RAB23: variants seen among roughly 807,000 people sequenced by gnomAD.
RAB23 encodes RAB23, member RAS oncogene family.
In RAB23, 15 loss-of-function variants were observed where a neutral mutation model predicts 30.0. That is an observed-to-expected ratio of 0.50 (90% CI 0.33 to 0.77). RAB23 has a LOEUF of 0.77. Ranked by LOEUF, RAB23 falls within the 30% of genes least tolerant of loss-of-function variation. RAB23 has a pLI of 0.02. For synonymous variants in RAB23, 93 were observed against 94.0 expected, an observed-to-expected ratio of 0.99 and a Z score of 0.06; for missense variants, 243 against 275.4, an observed-to-expected ratio of 0.88 and a Z score of 0.83.
chr6:57,210,211 T>C lies in RAB23; in HGVS notation c.155+15A>G, dbSNP rs752009277. 1 of 1,611,592 alleles carries C rather than the reference T, an allele frequency of 6.2e-7. No homozygotes were observed. Among genetic ancestry groups the C allele is most frequent in the African/African-American group, 1.3e-5 (1 of 74,982 alleles). On this transcript the variant is annotated intron_variant, in intron 2 of 6. Coordinates refer to ENST00000468148, the MANE Select transcript of RAB23 (RefSeq NM_016277.5). ...ACAAATCAAAGCCAAAGGAATAAAA[T>C]GGCCAAGTACTTACTGAATTTGTCG...
At chr6:57,220,709 G>A (rs1240515099) in intron 1 of RAB23, among the ~76,000 whole-genome samples, 1 of 152,140 alleles carries the variant, frequency 6.6e-6, no homozygotes, top group Non-Finnish European at 1.5e-5. Flanking sequence ...CAGGGGTAAG[G>A]AGTATGATAT....
At chr6:57,205,345 C>T (rs1051352153) in intron 3 of RAB23, among the ~76,000 whole-genome samples, 3 of 151,840 alleles carry the variant, frequency 2.0e-5, no homozygotes, top group African/African-American at 4.8e-5. Flanking sequence ...GTGTGATGAA[C>T]GAGCAGAATT....
chr6:57,189,515 T>C lies in RAB23; in HGVS notation c.*946A>G, dbSNP rs1450868920. The C allele has an allele frequency of 6.6e-6, 1 of 152,210 alleles. No homozygotes were observed. The highest frequency in any genetic ancestry group is 1.9e-4 in the East Asian group (1 of 5,200). 9.4% of individuals were successfully genotyped at this position (152,210 alleles called of 1,614,324 possible). A position where few individuals can be genotyped will look rare whatever the true frequency, so the allele number is the denominator to read the frequency against. On this transcript the variant is annotated 3_prime_UTR_variant, in exon 7 of 7. Transcript: ENST00000468148. ...ATGACTGCAGATGTGCTGTGTACCT[T>C]CTTAAGGGGCTTTGGCTGACCTTAT...
At chr6:57,216,046 A>C (rs1466584988) in intron 1 of RAB23, among the ~76,000 whole-genome samples, 3 of 152,228 alleles carry the variant, frequency 2.0e-5, no homozygotes, top group Non-Finnish European at 2.9e-5. Flanking sequence ...TTACAATGCC[A>C]TATGTTTACT....
chr6:57,204,860 C>T (rs1436741421), intron 3 of RAB23, among the ~76,000 whole-genome samples: 1 of 151,944 alleles, frequency 6.6e-6, no homozygotes, highest in Non-Finnish European at 1.5e-5. Context: ...GTCATGGGGG[C>T]AACTATAAAC....
At chr6:57,194,222 A>G (rs1764939894) in intron 5 of RAB23, among the ~76,000 whole-genome samples, 2 of 152,086 alleles carry the variant, frequency 1.3e-5, no homozygotes, top group African/African-American at 4.8e-5. Flanking sequence ...AAGCAACACT[A>G]AACAGACTCA....
Position 57,193,942 on chromosome 6 carries a change from A to G in RAB23, c.482-8T>C. On this transcript the variant is annotated splice_region_variant and splice_polypyrimidine_tract_variant and intron_variant, in intron 5 of 6. Coordinates refer to ENST00000468148, the MANE Select transcript of RAB23 (RefSeq NM_016277.5). Reference sequence around the variant, plus strand: ...CAGCCAAATACTTAAAAACTAGAATAAAAAGAAAACACCCAGAACCAGGTC... The same window carrying G: ...CAGCCAAATACTTAAAAACTAGAATGAAAAGAAAACACCCAGAACCAGGTC... 1 of 1,610,208 alleles carries G rather than the reference A, an allele frequency of 6.2e-7. No individual in the cohort carries two copies. The highest frequency in any genetic ancestry group is 8.5e-7 in the Non-Finnish European group (1 of 1,177,648).
chr6:57,204,881 C>A (rs1357124355), intron 3 of RAB23, among the ~76,000 whole-genome samples: 5 of 151,928 alleles, frequency 3.3e-5, no homozygotes, highest in Non-Finnish European at 5.9e-5. Context: ...AAGGTAGATC[C>A]TACTTTCCTG....
intron 1 of RAB23, among the ~76,000 whole-genome samples, chr6:57,211,118 G>A (rs1177468709): frequency 2.0e-5 from 3 of 152,140 alleles, no homozygotes; most frequent in Non-Finnish European, 4.4e-5. Flanking sequence ...TGAATTTCCT[G>A]TTTAGACTCG....
intron 1 of RAB23, among the ~76,000 whole-genome samples, chr6:57,217,600 G>C (rs1765899067): frequency 6.6e-6 from 1 of 152,154 alleles, no homozygotes; most frequent in South Asian, 2.1e-4. Context: ...GAGCCACCGT[G>C]CCCAGCCTAA....
rs1486018397 is a variant in RAB23 at position 57,207,716 on chromosome 6, AAAAC to A, written c.156-7_156-4del. ...GTCTGACATCTTCATCATTAACTCT[AAAAC>A]AAGAGATGAATTTATTTCATATGTA... is the stretch of plus-strand genomic sequence containing the variant. On this transcript the variant is annotated splice_polypyrimidine_tract_variant and splice_region_variant and intron_variant, in intron 2 of 6. Transcript: ENST00000468148. 1 of 1,560,190 alleles carries A rather than the reference AAAAC, an allele frequency of 6.4e-7. No homozygotes were observed. Among genetic ancestry groups the A allele is most frequent in the Admixed American group, 1.7e-5 (1 of 59,606 alleles).
intron 3 of RAB23, among the ~76,000 whole-genome samples, chr6:57,205,886 G>A (rs9396263): frequency 0.065 from 9,879 of 152,276 alleles, 372 homozygotes; most frequent in African/African-American, 0.095. Flanking sequence ...TCAAAGAAGA[G>A]TGAAGCAAAG....
chr6:57,212,527 C>G (rs1484822694), intron 1 of RAB23, among the ~76,000 whole-genome samples: 1 of 152,086 alleles, frequency 6.6e-6, no homozygotes, highest in Non-Finnish European at 1.5e-5. Flanking sequence ...AGTGTCAAAG[C>G]CAATATCCTA....
At chr6:57,215,302 C>G (rs1259678997) in intron 1 of RAB23, among the ~76,000 whole-genome samples, 2 of 152,178 alleles carry the variant, frequency 1.3e-5, no homozygotes, top group African/African-American at 4.8e-5. Flanking sequence ...GCTACAGATT[C>G]AAGAAGCTGA....
rs1189441105 is a variant in RAB23 at position 57,189,322 on chromosome 6, G to A, written c.*1139C>T. The A allele has an allele frequency of 1.3e-5, 2 of 152,150 alleles. No homozygotes were observed. Among genetic ancestry groups the A allele is most frequent in the African/African-American group, 4.8e-5 (2 of 41,436 alleles). 9.4% of individuals were successfully genotyped at this position (152,150 alleles called of 1,614,324 possible). A position where few individuals can be genotyped will look rare whatever the true frequency, so the allele number is the denominator to read the frequency against. On this transcript the variant is annotated 3_prime_UTR_variant, in exon 7 of 7. Transcript: ENST00000468148. ...TACAAAAATGTGTAAACAAAAGGAT[G>A]GTTTAGAGTTGCAGGGCATTATAAA...
intron 3 of RAB23, among the ~76,000 whole-genome samples, chr6:57,200,601 T>A (rs1231387521): frequency 6.6e-6 from 1 of 151,282 alleles, no homozygotes; most frequent in African/African-American, 2.4e-5. Context: ...CCCTTTCTCC[T>A]GCAAAAAGGT....
intron 1 of RAB23, among the ~76,000 whole-genome samples, chr6:57,220,095 G>T (rs971162203): frequency 1.3e-5 from 2 of 152,072 alleles, no homozygotes; most frequent in Non-Finnish European, 2.9e-5. Context: ...TTTAAAAATG[G>T]GCAAGAGACT....
At chr6:57,193,787 A>G in intron 6 of RAB23, 55 bp downstream of exon 6, 1 of 1,589,614 alleles carries the variant, frequency 6.3e-7, no homozygotes. Flanking sequence ...AGCATATTAT[A>G]TGTGTTTTTT....
chr6:57,188,583 T>TAGAG lies in RAB23; in HGVS notation c.*1874_*1877dup, dbSNP rs1383669900. The TAGAG allele has an allele frequency of 4.6e-5, 7 of 151,832 alleles. 1 individual carries two copies. In the East Asian group the frequency reaches 9.7e-4, roughly 21 times the overall value. The allele number at this position is 151,832 out of a possible 1,614,324, so 9.4% of individuals were successfully genotyped here. ...TTTGTGCAAAAATTAAAGAGGAGAGTAGAGAGTAGAAAATTGAAGAGAGTA... is the reference window on the plus strand; with the variant it reads ...TTTGTGCAAAAATTAAAGAGGAGAGTAGAGAGAGAGTAGAAAATTGAAGAGAGTA... On this transcript the variant is annotated 3_prime_UTR_variant, in exon 7 of 7. Coordinates refer to ENST00000468148, the MANE Select transcript of RAB23 (RefSeq NM_016277.5).
Sources: gnomAD v4.1 joint callset for allele counts (sites outside exome capture counted in the v4.1 genomes callset) on GRCh38, gnomAD v4.1.1 for gene constraint, MANE v1.5 for transcripts, NCBI Gene and HGNC (gene_info 2026-07-23, HGNC 2026-07-21) for gene names.